The following SEMA6D variants were observed in gnomAD, a reference collection of about 807,000 sequenced individuals.
The protein encoded by SEMA6D is semaphorin 6D.
SEMA6D carries 35 observed loss-of-function variants against 106.6 expected under a neutral mutation model. The observed-to-expected ratio is 0.33, with a 90% CI of 0.25 to 0.44. SEMA6D has a LOEUF of 0.44. SEMA6D is among the 20% of genes least tolerant of loss of function. The pLI is 1.00. For missense variants in SEMA6D, 1,185 were observed against 1,345.9 expected (o/e 0.88, Z 1.87); for synonymous variants, 499 against 487.7 (o/e 1.02, Z -0.31).
intron 1 of SEMA6D, among the ~76,000 whole-genome samples, chr15:47,719,971 C>T (rs1295737098): frequency 6.6e-6 from 1 of 152,146 alleles, no homozygotes; most frequent in Non-Finnish European, 1.5e-5. Context: ...GTCTATATTA[C>T]CATGAACCTA....
chr15:47,653,148 G>T (rs1013782126), intron 4 of SEMA6D, among the ~76,000 whole-genome samples: 4 of 152,186 alleles, frequency 2.6e-5, no homozygotes, highest in African/African-American at 2.4e-5. Flanking sequence ...AGGTATAATT[G>T]AGAGAAGATC....
At chr15:47,313,994 T>G (rs1399758516) in intron 1 of SEMA6D, among the ~76,000 whole-genome samples, 2 of 152,198 alleles carry the variant, frequency 1.3e-5, no homozygotes, top group Admixed American at 1.3e-4. Context: ...AAGAATATAT[T>G]TGGTTTGGTA....
At chr15:47,718,196 C>G (rs2079203015) in intron 1 of SEMA6D, among the ~76,000 whole-genome samples, 1 of 152,322 alleles carries the variant, frequency 6.6e-6, no homozygotes, top group East Asian at 1.9e-4. Flanking sequence ...GAGCCAAGGC[C>G]GAAGGAGCCG....
At chr15:47,306,080 C>A (rs2036220199) in intron 1 of SEMA6D, among the ~76,000 whole-genome samples, 1 of 151,998 alleles carries the variant, frequency 6.6e-6, no homozygotes, top group Non-Finnish European at 1.5e-5. Context: ...CTCCTGGGTT[C>A]AAGTGATTCT....
chr15:47,650,984 G>A (rs1052134876), intron 4 of SEMA6D, among the ~76,000 whole-genome samples: 8 of 152,196 alleles, frequency 5.3e-5, no homozygotes, highest in African/African-American at 7.2e-5. Context: ...GAGGGTGCTC[G>A]TGATTGTCTA....
At position 47,674,782 on chromosome 15, in the gene SEMA6D, G is replaced by A. The variant is rs2145462885; in HGVS notation, c.-55+73886G>A. 2.6e-5 allele frequency among the ~76,000 whole-genome samples: 4 copies of A among 152,338 alleles called. No individual in the cohort carries two copies. The South Asian group carries it at 8.3e-4, about 32-fold the overall frequency. ...GAATTGTGTACATGAGGATTAAGGT[G>A]CAGCTAATTATAGGAGCAGACTATG... On this transcript the variant is annotated intron_variant, in intron 4 of 19. Transcript: ENST00000558014.
intron 1 of SEMA6D, among the ~76,000 whole-genome samples, chr15:47,200,939 C>G (rs139568689): frequency 2.8e-4 from 43 of 152,188 alleles, no homozygotes; most frequent in African/African-American, 9.9e-4. Flanking sequence ...ACCAGAGCTG[C>G]GTGGTTTCTT....
chr15:47,683,442 G>A (rs897408309), intron 4 of SEMA6D, among the ~76,000 whole-genome samples: 4 of 152,078 alleles, frequency 2.6e-5, no homozygotes, highest in African/African-American at 7.2e-5. Context: ...CCACCGAAAA[G>A]CGCTAATGTC....
chr15:47,299,861 A>G (rs574372046), intron 1 of SEMA6D, among the ~76,000 whole-genome samples: 2 of 152,352 alleles, frequency 1.3e-5, no homozygotes, highest in Admixed American at 6.5e-5. Flanking sequence ...AATTGCAGGC[A>G]CATATGTGTG....
At chr15:47,602,504 C>T (rs2076683559) in intron 4 of SEMA6D, among the ~76,000 whole-genome samples, 1 of 150,296 alleles carries the variant, frequency 6.7e-6, no homozygotes, top group South Asian at 2.1e-4. Context: ...GGGAGGGGGG[C>T]TTGTGGGGAG....
chr15:47,497,713 G>A (rs2043714097), intron 3 of SEMA6D, among the ~76,000 whole-genome samples: 1 of 152,068 alleles, frequency 6.6e-6, no homozygotes, highest in Non-Finnish European at 1.5e-5. Flanking sequence ...TGACCAACAT[G>A]TGTAAAATCC....
chr15:47,640,865 T>C (rs934540274), intron 4 of SEMA6D, among the ~76,000 whole-genome samples: 1 of 152,186 alleles, frequency 6.6e-6, no homozygotes, highest in Non-Finnish European at 1.5e-5. Context: ...CATACCTTTT[T>C]TTTTTTAAAT....
At chr15:47,385,524 A>C (rs1595880577) in intron 1 of SEMA6D, among the ~76,000 whole-genome samples, 1 of 152,272 alleles carries the variant, frequency 6.6e-6, no homozygotes, top group East Asian at 1.9e-4. Flanking sequence ...ATTATTTTTC[A>C]TAGCCTGCTT....
At chr15:47,642,999 GGAGA>G (rs914888885) in intron 4 of SEMA6D, among the ~76,000 whole-genome samples, 2 of 151,456 alleles carry the variant, frequency 1.3e-5, no homozygotes, top group African/African-American at 4.9e-5. Flanking sequence ...ATGGAAATAG[GGAGA>G]GAGAGAGAGA....
chr15:47,514,785 G>A (rs141728418), intron 3 of SEMA6D, among the ~76,000 whole-genome samples: 60 of 152,188 alleles, frequency 3.9e-4, no homozygotes, highest in East Asian at 1.4e-3. Flanking sequence ...TCCTCACTGC[G>A]TTCAGAGTAA....
chr15:47,216,117 CT>C (rs1269658978), intron 1 of SEMA6D, among the ~76,000 whole-genome samples: 1 of 151,912 alleles, frequency 6.6e-6, no homozygotes, highest in Non-Finnish European at 1.5e-5. Context: ...TTCTTTTTTT[CT>C]TTTAAAAATA....
chr15:47,265,042 C>A (rs62014039), intron 1 of SEMA6D, among the ~76,000 whole-genome samples: 1 of 152,008 alleles, frequency 6.6e-6, no homozygotes, highest in South Asian at 2.1e-4. Context: ...TTTATATCCA[C>A]GTGCATAAGA....
chr15:47,697,451 C>A (rs1005015038), intron 4 of SEMA6D, among the ~76,000 whole-genome samples: 3 of 152,146 alleles, frequency 2.0e-5, no homozygotes, highest in Admixed American at 6.6e-5. Flanking sequence ...TTACCTCTTG[C>A]CTCATCTCCT....
At chr15:47,429,994 A>G (rs1309845268) in intron 2 of SEMA6D, among the ~76,000 whole-genome samples, 1 of 152,086 alleles carries the variant, frequency 6.6e-6, no homozygotes, top group South Asian at 2.1e-4. Context: ...TAAGGCACCA[A>G]TACAACTACA....
Sources: allele counts gnomAD v4.1 joint callset (sites outside exome capture counted in the v4.1 genomes callset), GRCh38; gene constraint gnomAD v4.1.1; transcripts MANE v1.5; gene names NCBI Gene and HGNC (gene_info 2026-07-23, HGNC 2026-07-21).